Variants in DEFB121 observed in about 807,000 individuals in gnomAD.
The protein encoded by DEFB121 is defensin beta 121.
DEFB121 carries 5 observed loss-of-function variants against 2.5 expected under a neutral mutation model. The ratio of observed to expected loss-of-function variants is 1.96; its 90% CI spans 1.03 to 4.13. The LOEUF is 4.13. DEFB121 is among the 30% of genes most tolerant of loss of function. The pLI, the probability that DEFB121 is intolerant of heterozygous loss-of-function variation, is 0.00. For synonymous variants in DEFB121, 39 were observed against 32.6 expected (o/e 1.20, Z -0.67); for missense variants, 87 against 85.0 (o/e 1.02, Z -0.09).
chr20:31,418,396 C>A, the DEFB121 span, among the ~76,000 whole-genome samples: 1 of 151,910 alleles, frequency 6.6e-6, no homozygotes, highest in African/African-American at 2.4e-5. Context: ...AGAGAAGAAC[C>A]CGAATGGCTT....
chr20:31,416,460 A>G (rs1978809773), upstream of DEFB121, among the ~76,000 whole-genome samples: 1 of 152,258 alleles, frequency 6.6e-6, no homozygotes, highest in South Asian at 2.1e-4. Flanking sequence ...TCCTTTAAAA[A>G]TAATATTTGA....
intron 1 of DEFB121, chr20:31,412,520 AG>A: frequency 4.9e-6 from 4 of 812,872 alleles, no homozygotes; most frequent in Non-Finnish European, 7.1e-6. Flanking sequence ...TTTGCTGTGA[AG>A]ATTAAATTAG....
upstream of DEFB121, among the ~76,000 whole-genome samples, chr20:31,417,582 T>G (rs370444301): frequency 1.3e-5 from 2 of 152,146 alleles, no homozygotes; most frequent in Admixed American, 6.5e-5. Flanking sequence ...AAAGGAAGAT[T>G]GTCCTAAAAT....
At chr20:31,408,308 C>T (rs1001339725), upstream of DEFB121, among the ~76,000 whole-genome samples, 7 of 151,958 alleles carry the variant, frequency 4.6e-5, no homozygotes, top group Non-Finnish European at 1.5e-5. Flanking sequence ...TTTAAATAGC[C>T]GGGCATGGTG....
chr20:31,408,753 T>C (rs973330853), upstream of DEFB121, among the ~76,000 whole-genome samples: 1 of 152,190 alleles, frequency 6.6e-6, no homozygotes, highest in African/African-American at 2.4e-5. Context: ...TGGCTGGGCA[T>C]GGTGGCTCAC....
chr20:31,412,457 G>A (rs904557548), intron 1 of DEFB121, among the ~76,000 whole-genome samples: 3 of 152,182 alleles, frequency 2.0e-5, no homozygotes, highest in Non-Finnish European at 4.4e-5. Context: ...TAATCTCTCT[G>A]AACTTCAGTT....
intron 1 of DEFB121, among the ~76,000 whole-genome samples, chr20:31,412,010 C>G (rs1235119390): frequency 6.6e-6 from 1 of 152,172 alleles, no homozygotes; most frequent in Non-Finnish European, 1.5e-5. Context: ...CATAAGTGAC[C>G]CTAACTGAAG....
upstream of DEFB121, among the ~76,000 whole-genome samples, chr20:31,409,089 G>C (rs997391349): frequency 6.6e-6 from 1 of 151,582 alleles, no homozygotes; most frequent in Non-Finnish European, 1.5e-5. Context: ...GACCAGCCTG[G>C]ATGACATAGC....
the DEFB121 span, among the ~76,000 whole-genome samples, chr20:31,417,908 A>C: frequency 6.6e-6 from 1 of 152,034 alleles, no homozygotes; most frequent in Non-Finnish European, 1.5e-5. Flanking sequence ...GGTTGCAGTG[A>C]GCCGAGATTG....
chr20:31,416,570 T>A (rs1456123388), upstream of DEFB121, among the ~76,000 whole-genome samples: 1 of 152,188 alleles, frequency 6.6e-6, no homozygotes, highest in Non-Finnish European at 1.5e-5. Flanking sequence ...CTGCCACGTA[T>A]CAAAAGCAAG....
At chr20:31,408,290 A>G (rs138191428), upstream of DEFB121, among the ~76,000 whole-genome samples, 1 of 152,032 alleles carries the variant, frequency 6.6e-6, no homozygotes, top group Non-Finnish European at 1.5e-5. Context: ...CACACACACA[A>G]AAAAAGTTTT....
In DEFB121 at chr20:31,404,981, T is replaced by C. The variant is rs781649498; in HGVS notation, c.163A>G (p.Lys55Glu). 13 of 1,613,800 alleles carry C rather than the reference T, an allele frequency of 8.1e-6. No homozygotes were observed. The South Asian group carries it at 1.3e-4, about 16-fold the overall frequency. The change falls in exon 2 of 2, where the codon AAG becomes GAG. Residue 55 changes from lysine (K) to glutamate (E), a missense_variant. Physicochemically the swap from Lys to Glu is moderately conservative, Grantham distance 56. Coordinates refer to ENST00000376314, the MANE Select transcript of DEFB121 (RefSeq NM_001011878.3). ...AATTTTGGTTTTACAGGTACATACTTGGGATCCACACAGCACTTAGCCTCA... is the reference window on the plus strand; with the variant it reads ...AATTTTGGTTTTACAGGTACATACTCGGGATCCACACAGCACTTAGCCTCA... ...KTEAKCCVDP[K>E]YVPVKPKLTD...
chr20:31,409,825 A>G (rs1978607486), upstream of DEFB121, among the ~76,000 whole-genome samples: 1 of 152,142 alleles, frequency 6.6e-6, no homozygotes, highest in South Asian at 2.1e-4. Flanking sequence ...ACCAAAGAAG[A>G]ACATACTGAA....
chr20:31,408,417 A>C (rs1417902138), upstream of DEFB121, among the ~76,000 whole-genome samples: 2 of 152,144 alleles, frequency 1.3e-5, no homozygotes, highest in African/African-American at 4.8e-5. Flanking sequence ...GCACCACTGC[A>C]CTCCAGCCAG....
At chr20:31,415,228 G>A (rs966939086), upstream of DEFB121, among the ~76,000 whole-genome samples, 5 of 149,896 alleles carry the variant, frequency 3.3e-5, no homozygotes, top group Admixed American at 3.3e-4. Context: ...TAGAAAGCCA[G>A]AATATTTGAT....
At chr20:31,413,462 G>A (rs1978716977), upstream of DEFB121, among the ~76,000 whole-genome samples, 2 of 152,168 alleles carry the variant, frequency 1.3e-5, no homozygotes, top group South Asian at 4.1e-4. Context: ...ACCAAAAAAA[G>A]AAGAATCTTG....
chr20:31,417,694 G>A (rs542282618), upstream of DEFB121, among the ~76,000 whole-genome samples: 21 of 152,288 alleles, frequency 1.4e-4, no homozygotes, highest in South Asian at 4.3e-3. Flanking sequence ...TGGGCACAGT[G>A]GCTCACATCT....
At chr20:31,417,417 G>A (rs1978837371), upstream of DEFB121, among the ~76,000 whole-genome samples, 1 of 151,904 alleles carries the variant, frequency 6.6e-6, no homozygotes, top group African/African-American at 2.4e-5. Context: ...GAAATTTCCA[G>A]AAATTATAAC....
At chr20:31,409,478 C>T (rs1354081146), upstream of DEFB121, among the ~76,000 whole-genome samples, 11 of 152,158 alleles carry the variant, frequency 7.2e-5, no homozygotes, top group African/African-American at 2.4e-4. Flanking sequence ...TGGTGGTTCA[C>T]GCCTGTAATC....
Sources: gnomAD v4.1 joint callset for allele counts (sites outside exome capture counted in the v4.1 genomes callset) on GRCh38, gnomAD v4.1.1 for gene constraint, MANE v1.5 for transcripts, NCBI Gene and HGNC (gene_info 2026-07-23, HGNC 2026-07-21) for gene names.